Variants in HS2ST1 observed in about 807,000 individuals in gnomAD.
The protein encoded by HS2ST1 is heparan sulfate 2-O-sulfotransferase 1.
A neutral mutation model predicts 42.9 loss-of-function variants in HS2ST1; 18 were observed. That is an observed-to-expected ratio of 0.42 (90% CI 0.29 to 0.62). The LOEUF (loss-of-function observed/expected upper bound fraction) is 0.62. Ranked by LOEUF, HS2ST1 falls within the 20% of genes least tolerant of loss-of-function variation. HS2ST1 has a pLI of 0.21. For missense variants in HS2ST1, 334 were observed against 433.8 expected, an observed-to-expected ratio of 0.77 and a Z score of 2.04; for synonymous variants, 146 against 152.9, an observed-to-expected ratio of 0.95 and a Z score of 0.33.
At chr1:87,090,732 C>G (rs1241624274) in intron 3 of HS2ST1, among the ~76,000 whole-genome samples, 2 of 151,870 alleles carry the variant, frequency 1.3e-5, no homozygotes, top group South Asian at 2.1e-4. Flanking sequence ...TATAGAAGAC[C>G]CACACAGTCT....
chr1:87,060,991 A>C (rs1651106594), intron 1 of HS2ST1, among the ~76,000 whole-genome samples: 1 of 152,140 alleles, frequency 6.6e-6, no homozygotes, highest in Non-Finnish European at 1.5e-5. Context: ...TTGTGAAAGA[A>C]AATTTGATAT....
chr1:87,009,832 A>C (rs1278074221), intron 1 of HS2ST1, among the ~76,000 whole-genome samples: 2 of 152,056 alleles, frequency 1.3e-5, no homozygotes, highest in African/African-American at 4.8e-5. Flanking sequence ...CAGGAGATCG[A>C]GACCATCCTG....
intron 3 of HS2ST1, 25 bp downstream of exon 3, chr1:87,084,304 T>A: frequency 7.7e-7 from 1 of 1,293,880 alleles, no homozygotes. Context: ...AATGACACGC[T>A]AAAGAATGCT....
chr1:86,981,827 C>T (rs1013119764), intron 1 of HS2ST1, among the ~76,000 whole-genome samples: 3 of 152,210 alleles, frequency 2.0e-5, no homozygotes, highest in African/African-American at 4.8e-5. Context: ...GTCTGGAGGA[C>T]GGTGGCCCTT....
intron 1 of HS2ST1, among the ~76,000 whole-genome samples, chr1:87,063,630 C>T (rs983879547): frequency 5.3e-5 from 8 of 152,116 alleles, no homozygotes; most frequent in East Asian, 3.8e-4. Context: ...CTACCATGCC[C>T]GGCCTGGTTC....
At chr1:86,925,891 G>C (rs1419314629) in intron 1 of HS2ST1, among the ~76,000 whole-genome samples, 2 of 152,000 alleles carry the variant, frequency 1.3e-5, no homozygotes, top group African/African-American at 4.8e-5. Flanking sequence ...TCTACATTAT[G>C]GGCCATATTT....
intron 1 of HS2ST1, among the ~76,000 whole-genome samples, chr1:86,975,898 T>C (rs1381782912): frequency 2.0e-5 from 3 of 152,234 alleles, no homozygotes; most frequent in Middle Eastern, 3.2e-3. Context: ...TGGCTATTTC[T>C]ACAGGCTGTA....
intron 1 of HS2ST1, among the ~76,000 whole-genome samples, chr1:87,002,982 A>G (rs1423270819): frequency 1.3e-5 from 2 of 152,248 alleles, no homozygotes; most frequent in Admixed American, 1.3e-4. Context: ...TCTTCTCTCG[A>G]AGCAATAGGT....
intron 1 of HS2ST1, among the ~76,000 whole-genome samples, chr1:86,988,279 A>C (rs548742718): frequency 6.6e-4 from 101 of 152,302 alleles, no homozygotes; most frequent in South Asian, 2.7e-3. Context: ...GAAATTGGCT[A>C]TTGCCATGTC....
At chr1:86,997,953 G>A (rs1169894084) in intron 1 of HS2ST1, among the ~76,000 whole-genome samples, 1 of 152,134 alleles carries the variant, frequency 6.6e-6, no homozygotes, top group African/African-American at 2.4e-5. Context: ...AAAACCATGG[G>A]TCGTGAAACT....
At chr1:87,021,363 A>G (rs550992871) in intron 1 of HS2ST1, among the ~76,000 whole-genome samples, 1 of 152,302 alleles carries the variant, frequency 6.6e-6, no homozygotes, top group South Asian at 2.1e-4. Context: ...CAAACATTCC[A>G]TGTTCTTCCA....
intron 1 of HS2ST1, chr1:87,064,534 A>G (rs1557533409): frequency 1.9e-6 from 1 of 518,284 alleles, no homozygotes; most frequent in East Asian, 5.5e-5. Flanking sequence ...TACCATATGC[A>G]TCCCTGTTGA....
At chr1:87,057,550 G>A (rs1651000568) in intron 1 of HS2ST1, among the ~76,000 whole-genome samples, 1 of 143,556 alleles carries the variant, frequency 7.0e-6, no homozygotes, top group Non-Finnish European at 1.5e-5. Flanking sequence ...AGGTTTCTTT[G>A]TCACCCAGAA....
intron 1 of HS2ST1, among the ~76,000 whole-genome samples, chr1:86,982,139 CAGCTGG>C (rs1648613771): frequency 6.6e-6 from 1 of 152,236 alleles, no homozygotes; most frequent in Admixed American, 6.5e-5. Context: ...CTTTTAGCCA[CAGCTGG>C]AGCTGGAGCA....
At chr1:87,093,993 A>C (rs1194419669) in intron 4 of HS2ST1, among the ~76,000 whole-genome samples, 1 of 152,110 alleles carries the variant, frequency 6.6e-6, no homozygotes, top group Non-Finnish European at 1.5e-5. Context: ...AGCATTATTT[A>C]ATCTTCTAGA....
intron 1 of HS2ST1, among the ~76,000 whole-genome samples, chr1:87,005,327 AAATC>A (rs1253055677): frequency 6.6e-6 from 1 of 152,198 alleles, no homozygotes; most frequent in African/African-American, 2.4e-5. Context: ...ATTTTCAAAT[AAATC>A]AATCCTGGTA....
chr1:86,932,498 A>G (rs1301285540), intron 1 of HS2ST1: 1 of 152,202 alleles, frequency 6.6e-6, no homozygotes, highest in Non-Finnish European at 1.5e-5. Context: ...ATATTTCTGA[A>G]TAAATAAAGT....
chr1:87,060,397 A>G lies in HS2ST1; in HGVS notation c.125-12537A>G, dbSNP rs117773827. 5.4e-4 allele frequency among the ~76,000 whole-genome samples: 83 copies of G among 152,336 alleles called. 1 individual carries two copies. The East Asian group carries it at 0.016, about 29-fold the overall frequency. On this transcript the variant is annotated intron_variant, in intron 1 of 6. Transcript: ENST00000370550. The stretch of plus-strand genomic sequence containing the variant: ...TAACTATAAGGCTCTACCTCTTCCT[A>G]TAATAGAAATAGACAAAATCTCAGA...
chr1:87,068,832 G>A (rs988897464), intron 1 of HS2ST1, among the ~76,000 whole-genome samples: 1 of 152,074 alleles, frequency 6.6e-6, no homozygotes, highest in Non-Finnish European at 1.5e-5. Context: ...ACAAGAAATA[G>A]AAAATATGTA....
Sources: allele counts gnomAD v4.1 joint callset (sites outside exome capture counted in the v4.1 genomes callset), GRCh38; gene constraint gnomAD v4.1.1; transcripts MANE v1.5; gene names NCBI Gene and HGNC (gene_info 2026-07-23, HGNC 2026-07-21).